Variants in ZNF853 observed in about 807,000 individuals in gnomAD.
ZNF853 encodes zinc finger protein 853.
In ZNF853, 57 loss-of-function variants were observed where a neutral mutation model predicts 94.7. The observed-to-expected ratio is 0.60, with a 90% CI of 0.49 to 0.75. The LOEUF (loss-of-function observed/expected upper bound fraction) is 0.75. Ranked by LOEUF, ZNF853 falls within the 30% of genes least tolerant of loss-of-function variation. The pLI is 0.00. For synonymous variants in ZNF853, 448 were observed against 406.3 expected (o/e 1.10, Z -1.23); for missense variants, 785 against 868.9 (o/e 0.90, Z 1.21).
intron 1 of ZNF853, 144 bp downstream of exon 1, chr7:6,616,330 A>C: frequency 1.3e-6 from 1 of 762,216 alleles, no homozygotes; most frequent in Non-Finnish European, 2.0e-6. Flanking sequence ...GCGCCTGGGC[A>C]CAGGGCCAGG....
chr7:6,620,605 CT>C lies in ZNF853; in HGVS notation c.131-514del. Among the ~76,000 whole-genome samples the C allele has an allele frequency of 2.2e-3, 309 of 140,814 alleles. 3 individuals are homozygous for C. The highest frequency in any genetic ancestry group is 7.6e-3 in the East Asian group (34 of 4,458). The allele number at this position is 140,814 out of a possible 152,430, so 92.4% of individuals were successfully genotyped here. On this transcript the variant is annotated intron_variant, in intron 2 of 2. Transcript: ENST00000457543. ...CTTCCCTTTCTTCCCTTCTTCCTTT[CT>C]TTCTCTCTCTCTCTTTCTCTCTCTC...
At position 6,622,122 on chromosome 7, in the gene ZNF853, G is replaced by A. The variant is rs779293127; in HGVS notation, c.1131G>A (p.Gln377=). 6.5e-7 allele frequency: 1 copy of A among 1,545,318 alleles called. No individual in the cohort carries two copies. The highest frequency in any genetic ancestry group is 2.0e-5 in the Admixed American group (1 of 50,992). The change falls in exon 3 of 3, where the codon CAG becomes CAA. Residue 377 remains glutamine, a synonymous_variant. Transcript: ENST00000457543. ...QLEQQLEQQQ[Q]QLEQQEVQLE... ...AGCAACAGCTGGAGCAGCAGCAGCAGCAGCTGGAGCAGCAGGAGGTGCAGC... is the reference window on the plus strand; with the variant it reads ...AGCAACAGCTGGAGCAGCAGCAGCAACAGCTGGAGCAGCAGGAGGTGCAGC...
At chr7:6,621,101 T>A in intron 2 of ZNF853, 21 bp from the exon 3 acceptor site, 1 of 1,462,742 alleles carries the variant, frequency 6.8e-7, no homozygotes, top group Non-Finnish European at 9.0e-7. Flanking sequence ...CTCTCTTGGC[T>A]TCCTGCCATT....
At chr7:6,617,893 G>C in intron 2 of ZNF853, among the ~76,000 whole-genome samples, 1 of 152,150 alleles carries the variant, frequency 6.6e-6, no homozygotes, top group Admixed American at 6.6e-5. Flanking sequence ...ATGAGAGCCA[G>C]TTTCCATTCT....
At position 6,621,469 on chromosome 7, in the gene ZNF853, C is replaced by T. The variant is rs753111938; in HGVS notation, c.478C>T (p.Gln160Ter). The T allele has an allele frequency of 9.0e-6, 14 of 1,551,802 alleles. No homozygotes were observed. The highest frequency in any genetic ancestry group is 1.2e-5 in the Non-Finnish European group (14 of 1,147,002). ...GCTAATGCACCAGCAGCAACAGTTA[C>T]AGCCACAGCAAGTGCAAGAGCAACA... ...LQLMHQQQQL[Q>*]PQQVQEQQRL... Residue 160 changes from glutamine to a stop codon, truncating the protein, a stop_gained, in exon 3 of 3, where the codon CAG (glutamine) becomes TAG (stop). Transcript: ENST00000457543. LOFTEE classifies it high-confidence loss of function.
rs373232495 is a variant in ZNF853, at chr7:6,621,285, C to G, written c.294C>G (p.Pro98=). The G allele has an allele frequency of 1.3e-6, 2 of 1,550,682 alleles. No individual in the cohort carries two copies. The highest frequency in any genetic ancestry group is 4.9e-5 in the East Asian group (2 of 40,900). ...ELQLQQLEQQ[P]EPQQQPQHEQ... ...AACTGCAGCAGTTAGAACAGCAGCC[C>G]GAGCCGCAGCAACAGCCGCAACACG... Residue 98 remains proline (P), a synonymous_variant, in exon 3 of 3, where the codon CCC becomes CCG. Coordinates refer to ENST00000457543, the MANE Select transcript of ZNF853 (RefSeq NM_017560.3).
chr7:6,621,855 GCAGCAGCAA>G lies in ZNF853; in HGVS notation c.872_880del (p.Gln291_Gln293del), dbSNP rs1292864058. ...TGCAGCAGCAGGAACAGTTACAGCA[GCAGCAGCAA>G]CAGCAGCTGTTGCAACAGCAGCAGG... On this transcript the variant is annotated inframe_deletion, in exon 3 of 3. Transcript: ENST00000457543. The G allele has an allele frequency of 1.3e-6, 2 of 1,550,874 alleles. No homozygotes were observed. The highest frequency in any genetic ancestry group is 3.9e-5 in the Admixed American group (2 of 51,004).
Position 6,621,497 on chromosome 7 carries a change from G to C in ZNF853, c.506G>C (p.Arg169Pro). 1 of 1,551,726 alleles carries C rather than the reference G, an allele frequency of 6.4e-7. No homozygotes were observed. ...CCACAGCAAGTGCAAGAGCAACAGC[G>C]GTTGCAGCAGCAGCAGGAGCAGTTA... ...LQPQQVQEQQ[R>P]LQQQQEQLQT... Residue 169 changes from arginine to proline, a missense_variant, in exon 3 of 3, where the codon CGG (arginine) becomes CCG (proline). Coordinates refer to ENST00000457543, the MANE Select transcript of ZNF853 (RefSeq NM_017560.3).
chr7:6,619,524 C>T, intron 2 of ZNF853, among the ~76,000 whole-genome samples: 1 of 152,182 alleles, frequency 6.6e-6, no homozygotes, highest in African/African-American at 2.4e-5. Context: ...TCTGCCTCGG[C>T]CTCCCAAAGT....
rs534669507 is a variant in ZNF853 at position 6,623,071 on chromosome 7, A to C, written c.*100A>C. 1.1e-3 allele frequency: 1,127 copies of C among 1,061,666 alleles called. 2 individuals are homozygous for C. Among genetic ancestry groups the C allele is most frequent in the Middle Eastern group, 1.4e-3 (4 of 2,870 alleles). 65.8% of individuals were successfully genotyped at this position (1,061,666 alleles called of 1,614,324 possible). On this transcript the variant is annotated 3_prime_UTR_variant, in exon 3 of 3. Coordinates refer to ENST00000457543, the MANE Select transcript of ZNF853 (RefSeq NM_017560.3). ...TTCATGGGCGCTGGAGGCGTCCTGGAATATCCCTGGAGTAAAAGGCTTCCA... is the reference window on the plus strand; with the variant it reads ...TTCATGGGCGCTGGAGGCGTCCTGGCATATCCCTGGAGTAAAAGGCTTCCA...
Position 6,622,486 on chromosome 7 carries a change from G to A in ZNF853, c.1495G>A (p.Asp499Asn), listed in dbSNP as rs1583430632. ...ECGKGFSRST[D>N]LVRHQATHTG... ...CGGCAAGGGCTTCAGCCGCAGCACG[G>A]ACCTGGTGCGCCACCAGGCCACGCA... Residue 499 changes from aspartate (D) to asparagine (N), a missense_variant, in exon 3 of 3, where the codon GAC (aspartate) becomes AAC (asparagine). Coordinates refer to ENST00000457543, the MANE Select transcript of ZNF853 (RefSeq NM_017560.3). 2 of 1,539,548 alleles carry A rather than the reference G, an allele frequency of 1.3e-6. No individual in the cohort carries two copies. Among genetic ancestry groups the A allele is most frequent in the Non-Finnish European group, 1.7e-6 (2 of 1,143,356 alleles).
Position 6,621,946 on chromosome 7 carries a change from G to T in ZNF853, c.955G>T (p.Glu319Ter), listed in dbSNP as rs776352652. 1 of 1,551,126 alleles carries T rather than the reference G, an allele frequency of 6.4e-7. No individual in the cohort carries two copies. The highest frequency in any genetic ancestry group is 1.2e-5 in the South Asian group (1 of 84,030). Reference sequence around the variant, plus strand: ...TCCCCTGGAGCCCGAGGAGGAGGAAGAGGTGGAGCTGGAGCTCATGCCGGT... The same window carrying T: ...TCCCCTGGAGCCCGAGGAGGAGGAATAGGTGGAGCTGGAGCTCATGCCGGT... ...PPPLEPEEEE[E>*]VELELMPVDL... Residue 319 changes from glutamate to a stop codon, truncating the protein, a stop_gained, in exon 3 of 3, where the codon GAG becomes TAG. Coordinates refer to ENST00000457543, the MANE Select transcript of ZNF853 (RefSeq NM_017560.3). LOFTEE classifies it high-confidence loss of function.
Position 6,621,754 on chromosome 7 carries a change from T to C in ZNF853, c.763T>C (p.Leu255=), listed in dbSNP as rs778503943. Residue 255 remains leucine, a synonymous_variant, in exon 3 of 3, where the codon TTG becomes CTG. Transcript: ENST00000457543. ...GCAGGGACAGTTACAGCAGCAACTG[T>C]TGCAGCAGCAGCAGGCACAGTTACA... ...QQQGQLQQQL[L]QQQQAQLQQQ... is the part of the protein sequence containing the mutation. 1.1e-4 allele frequency: 175 copies of C among 1,549,418 alleles called. No individual in the cohort carries two copies. The highest frequency in any genetic ancestry group is 1.4e-4 in the Non-Finnish European group (155 of 1,146,668).
rs1212676920 is a variant in ZNF853, at chr7:6,621,359, A to G, written c.368A>G (p.Gln123Arg). 1 of 1,551,758 alleles carries G rather than the reference A, an allele frequency of 6.4e-7. No homozygotes were observed. The highest frequency in any genetic ancestry group is 8.7e-7 in the Non-Finnish European group (1 of 1,147,006). ...CACCTAGAACTGCAACAGCAGCCGC[A>G]GCAAGATGGGCAACAACAGCTATCT... ...QPHLELQQQP[Q>R]QDGQQQLSQL... Residue 123 changes from glutamine (Q) to arginine (R), a missense_variant, in exon 3 of 3, where the codon CAG (glutamine) becomes CGG (arginine). By Grantham distance (43) the Gln-to-Arg change is conservative (BLOSUM62 1). Coordinates refer to ENST00000457543, the MANE Select transcript of ZNF853 (RefSeq NM_017560.3).
chr7:6,620,621 T>C, intron 2 of ZNF853, among the ~76,000 whole-genome samples: 6 of 151,074 alleles, frequency 4.0e-5, no homozygotes, highest in African/African-American at 1.5e-4. Context: ...CTCTCTCTCT[T>C]TCTCTCTCTC....
At position 6,619,460 on chromosome 7, in the gene ZNF853, T is replaced by C; in HGVS notation, c.131-1662T>C. Among the ~76,000 whole-genome samples, 7 of 151,974 alleles carry C rather than the reference T, an allele frequency of 4.6e-5. No homozygotes were observed. In the South Asian group the frequency reaches 1.5e-3, roughly 32 times the overall value. ...CTAATTTTTTGTATTTTAGTAGAGA[T>C]AGGATTTCGTCATGTTGGCCAGGAT... On this transcript the variant is annotated intron_variant, in intron 2 of 2. Coordinates refer to ENST00000457543, the MANE Select transcript of ZNF853 (RefSeq NM_017560.3).
chr7:6,622,650 C>G lies in ZNF853; in HGVS notation c.1659C>G (p.Ser553Arg), dbSNP rs1275322625. The change falls in exon 3 of 3, where the codon AGC becomes AGG. Residue 553 changes from serine (S) to arginine (R), a missense_variant. Transcript: ENST00000457543. ...ACTGCGCCAAGCGCTTCAGCGAGAG[C>G]TCGGCGCTCGTGCAGCACCAGCGCA... ...CSYCAKRFSE[S>R]SALVQHQRTH... 1.3e-6 allele frequency: 2 copies of G among 1,577,742 alleles called. No individual in the cohort carries two copies. The highest frequency in any genetic ancestry group is 1.7e-6 in the Non-Finnish European group (2 of 1,163,040).
chr7:6,616,092 G>A lies in ZNF853; in HGVS notation c.-83G>A, dbSNP rs556206223. 206 of 1,429,046 alleles carry A rather than the reference G, an allele frequency of 1.4e-4. No individual in the cohort carries two copies. In the African/African-American group the frequency reaches 2.3e-3, roughly 16 times the overall value. The allele number at this position is 1,429,046 out of a possible 1,614,324, so 88.5% of individuals were successfully genotyped here. A position where few individuals can be genotyped will look rare whatever the true frequency, so the allele number is the denominator to read the frequency against. Reference sequence around the variant, plus strand: ...TTCTGGATGGAGGCGCCTCCGGAAGGAGCCGGCTGCACGCCGTGGCCTTCA... The same window carrying A: ...TTCTGGATGGAGGCGCCTCCGGAAGAAGCCGGCTGCACGCCGTGGCCTTCA... On this transcript the variant is annotated 5_prime_UTR_variant, in exon 1 of 3. Transcript: ENST00000457543.
chr7:6,616,440 G>T, intron 1 of ZNF853, among the ~76,000 whole-genome samples: 1 of 152,184 alleles, frequency 6.6e-6, no homozygotes, highest in Admixed American at 6.5e-5. Context: ...AGGCCAGGAA[G>T]GCAATAGAAT....
Sources: allele counts gnomAD v4.1 joint callset (sites outside exome capture counted in the v4.1 genomes callset), GRCh38; gene constraint gnomAD v4.1.1; transcripts MANE v1.5; gene names NCBI Gene and HGNC (gene_info 2026-07-23, HGNC 2026-07-21).